EEF1AKMT4: variants seen among roughly 807,000 people sequenced by gnomAD.
EEF1AKMT4 encodes eukaryotic translation elongation factor 1 alpha lysine specific methyltransferase 4.
A neutral mutation model predicts 23.0 loss-of-function variants in EEF1AKMT4; 17 were observed. The ratio of observed to expected loss-of-function variants is 0.74; its 90% CI spans 0.51 to 1.11. The LOEUF (loss-of-function observed/expected upper bound fraction) is 1.11. Among genes scored for constraint, EEF1AKMT4 ranks in the 50% least tolerant of loss-of-function variants. The pLI is 0.00. For missense variants in EEF1AKMT4, 318 were observed against 333.4 expected, an observed-to-expected ratio of 0.95 and a Z score of 0.36; for synonymous variants, 140 against 141.4, an observed-to-expected ratio of 0.99 and a Z score of 0.07.
intron 1 of EEF1AKMT4, among the ~76,000 whole-genome samples, chr3:184,257,021 GTAT>G (rs1245591079): frequency 6.6e-6 from 1 of 150,540 alleles, no homozygotes; most frequent in Non-Finnish European, 1.5e-5. Flanking sequence ...TATGGCCTAC[GTAT>G]TATTATCTTC....
In EEF1AKMT4 at chr3:184,258,428, T is replaced by A. The variant is rs202062948; in HGVS notation, c.621T>A (p.His207Gln). Residue 207 changes from histidine to glutamine, a missense_variant, in exon 3 of 3, where the codon CAT becomes CAA. Coordinates refer to ENST00000324557, the MANE Select transcript of EEF1AKMT4 (RefSeq NM_032331.4). ...HATYGSGFHF[H>Q]LYLMHKGGKL... ...CCTATGGCAGCGGTTTCCACTTCCA[T>A]CTCTACCTCATGCACAAGGGCGGGA... is the stretch of plus-strand genomic sequence containing the variant. 3.0e-5 allele frequency: 49 copies of A among 1,613,874 alleles called. No homozygotes were observed. The highest frequency in any genetic ancestry group is 3.1e-5 in the Non-Finnish European group (37 of 1,179,916).
At chr3:184,256,149 C>T (rs1719788433) in intron 1 of EEF1AKMT4, among the ~76,000 whole-genome samples, 1 of 151,942 alleles carries the variant, frequency 6.6e-6, no homozygotes. Flanking sequence ...TGGTGCGTGC[C>T]TGTAGTCCCA....
chr3:184,251,053 C>G (rs1048476990), intron 1 of EEF1AKMT4, among the ~76,000 whole-genome samples: 2 of 148,872 alleles, frequency 1.3e-5, no homozygotes, highest in Non-Finnish European at 3.0e-5. Flanking sequence ...CCATTGCACT[C>G]CAGCCTGTGC....
intron 1 of EEF1AKMT4, among the ~76,000 whole-genome samples, chr3:184,256,213 A>G (rs980728770): frequency 2.0e-5 from 3 of 148,562 alleles, no homozygotes; most frequent in Non-Finnish European, 3.0e-5. Flanking sequence ...CAGAGGTTGC[A>G]GTGAGCCGAG....
At chr3:184,256,301 GAAA>G (rs1329772346) in intron 1 of EEF1AKMT4, among the ~76,000 whole-genome samples, 1 of 127,206 alleles carries the variant, frequency 7.9e-6, no homozygotes. Context: ...GAAAAGAAAA[GAAA>G]AAAAGAATTG....
chr3:184,256,353 T>C (rs191753132), intron 1 of EEF1AKMT4, among the ~76,000 whole-genome samples: 50 of 152,088 alleles, frequency 3.3e-4, no homozygotes, highest in African/African-American at 1.2e-3. Context: ...CCCCACCTAG[T>C]TTCCCCTTCA....
intron 1 of EEF1AKMT4, among the ~76,000 whole-genome samples, chr3:184,253,313 A>G (rs1371443461): frequency 1.3e-5 from 2 of 152,240 alleles, no homozygotes; most frequent in African/African-American, 4.8e-5. Context: ...GAACACTGAC[A>G]GTGTCCACTA....
intron 1 of EEF1AKMT4, among the ~76,000 whole-genome samples, chr3:184,255,489 G>A (rs1253794194): frequency 6.6e-6 from 1 of 152,208 alleles, no homozygotes; most frequent in Non-Finnish European, 1.5e-5. Flanking sequence ...TCTTAGGGAG[G>A]CAAGTGGGGA....
intron 1 of EEF1AKMT4, among the ~76,000 whole-genome samples, chr3:184,255,521 G>C (rs1029733963): frequency 6.6e-6 from 1 of 152,182 alleles, no homozygotes; most frequent in East Asian, 1.9e-4. Flanking sequence ...CTAATCCCAA[G>C]AGCTGAAGAT....
At chr3:184,256,709 C>T (rs1224342596) in intron 1 of EEF1AKMT4, among the ~76,000 whole-genome samples, 1 of 150,512 alleles carries the variant, frequency 6.6e-6, no homozygotes, top group Non-Finnish European at 1.5e-5. Context: ...TCGCTCTTGT[C>T]ACCCAGGCTA....
intron 1 of EEF1AKMT4, among the ~76,000 whole-genome samples, chr3:184,254,900 G>A (rs1261254742): frequency 6.6e-6 from 1 of 152,154 alleles, no homozygotes; most frequent in South Asian, 2.1e-4. Context: ...CTTGGATATG[G>A]ATCAATTCTC....
Position 184,250,440 on chromosome 3 carries a change from T to C in EEF1AKMT4, c.196+550T>C, listed in dbSNP as rs117380122. Among the ~76,000 whole-genome samples the C allele has an allele frequency of 6.0e-4, 92 of 152,232 alleles. No individual in the cohort carries two copies. The East Asian group carries it at 0.016, about 27-fold the overall frequency. The stretch of plus-strand genomic sequence containing the variant: ...CTTAGAGAGTGAGAACAGCACCCTC[T>C]AGGGGTGGAGGGGAGATTGCCGCCC... On this transcript the variant is annotated intron_variant, in intron 1 of 2. Coordinates refer to ENST00000324557, the MANE Select transcript of EEF1AKMT4 (RefSeq NM_032331.4).
chr3:184,253,881 G>A (rs893110413), intron 1 of EEF1AKMT4, among the ~76,000 whole-genome samples: 1 of 152,080 alleles, frequency 6.6e-6, no homozygotes. Context: ...TGTTGGCCAG[G>A]CTGGTCTCCA....
chr3:184,251,817 A>T (rs985045425), intron 1 of EEF1AKMT4, among the ~76,000 whole-genome samples: 9 of 152,206 alleles, frequency 5.9e-5, no homozygotes, highest in Non-Finnish European at 1.0e-4. Context: ...TGGACAAAAT[A>T]CTTGAATTTC....
intron 1 of EEF1AKMT4, among the ~76,000 whole-genome samples, chr3:184,252,949 A>G (rs1172190119): frequency 7.8e-6 from 1 of 128,686 alleles, no homozygotes; most frequent in Non-Finnish European, 1.8e-5. Flanking sequence ...TCCATCTCAA[A>G]AAAAAAAAAA....
intron 1 of EEF1AKMT4, among the ~76,000 whole-genome samples, chr3:184,257,183 C>G (rs1719844208): frequency 7.0e-6 from 1 of 142,900 alleles, no homozygotes; most frequent in Non-Finnish European, 1.5e-5. Flanking sequence ...GTACTCCAGC[C>G]TGGGCGACCG....
At position 184,257,665 on chromosome 3, in the gene EEF1AKMT4, A is replaced by C. The variant is rs778112921; in HGVS notation, c.389A>C (p.Lys130Thr). ...PSASFDVVLEKGTLDALLAGE... is the reference protein window; with the variant it reads ...PSASFDVVLETGTLDALLAGE... Reference sequence around the variant, plus strand: ...GCTTCTTTTGATGTGGTGCTCGAGAAGGGCACGCTGGATGCCCTGCTGGCT... The same window carrying C: ...GCTTCTTTTGATGTGGTGCTCGAGACGGGCACGCTGGATGCCCTGCTGGCT... The change falls in exon 2 of 3, where the codon AAG becomes ACG. Residue 130 changes from lysine (K) to threonine (T), a missense_variant. Coordinates refer to ENST00000324557, the MANE Select transcript of EEF1AKMT4 (RefSeq NM_032331.4). 3 of 1,614,208 alleles carry C rather than the reference A, an allele frequency of 1.9e-6. No homozygotes were observed. Among genetic ancestry groups the C allele is most frequent in the Non-Finnish European group, 2.5e-6 (3 of 1,180,050 alleles).
chr3:184,254,513 G>C, intron 1 of EEF1AKMT4, among the ~76,000 whole-genome samples: 1 of 149,886 alleles, frequency 6.7e-6, no homozygotes, highest in Non-Finnish European at 1.5e-5. Flanking sequence ...GACCATCCTG[G>C]CTAACACGGT....
At position 184,257,640 on chromosome 3, in the gene EEF1AKMT4, G is replaced by A; in HGVS notation, c.364G>A (p.Ala122Thr). 1.2e-6 allele frequency: 2 copies of A among 1,614,222 alleles called. No homozygotes were observed. The highest frequency in any genetic ancestry group is 1.7e-6 in the Non-Finnish European group (2 of 1,180,046). Residue 122 changes from alanine (A) to threonine (T), a missense_variant, in exon 2 of 3, where the codon GCT (alanine) becomes ACT (threonine). By Grantham distance (58) the Ala-to-Thr change is moderately conservative. Coordinates refer to ENST00000324557, the MANE Select transcript of EEF1AKMT4 (RefSeq NM_032331.4). The part of the protein sequence containing the change: ...MDVRKLDFPS[A>T]SFDVVLEKGT... Reference sequence around the variant, plus strand: ...TGTGCGGAAGCTGGACTTCCCCAGTGCTTCTTTTGATGTGGTGCTCGAGAA... The same window carrying A: ...TGTGCGGAAGCTGGACTTCCCCAGTACTTCTTTTGATGTGGTGCTCGAGAA...
Sources: allele counts gnomAD v4.1 joint callset (sites outside exome capture counted in the v4.1 genomes callset), GRCh38; gene constraint gnomAD v4.1.1; transcripts MANE v1.5; gene names NCBI Gene and HGNC (gene_info 2026-07-23, HGNC 2026-07-21).